The following CARMIL1 variants were observed in gnomAD, a reference collection of about 807,000 sequenced individuals.
CARMIL1 encodes F-actin-uncapping protein LRRC16A.
CARMIL1 carries 90 observed loss-of-function variants against 177.1 expected under a neutral mutation model. That is an observed-to-expected ratio of 0.51 (90% CI 0.43 to 0.61). The LOEUF is 0.61. CARMIL1 is among the 20% of genes least tolerant of loss of function. The pLI is 0.00. For synonymous variants in CARMIL1, 577 were observed against 606.2 expected (o/e 0.95, Z 0.71); for missense variants, 1,380 against 1,667.0 (o/e 0.83, Z 3.00).
intron 2 of CARMIL1, among the ~76,000 whole-genome samples, chr6:25,412,117 C>A (rs1794954402): frequency 6.6e-6 from 1 of 152,210 alleles, no homozygotes; most frequent in Non-Finnish European, 1.5e-5. Flanking sequence ...TCTTGGTTTA[C>A]TACTATTATA....
Position 25,580,908 on chromosome 6 carries a change from A to G in CARMIL1, c.2743-16A>G. The G allele has an allele frequency of 6.4e-7, 1 of 1,566,364 alleles. No homozygotes were observed. Among genetic ancestry groups the G allele is most frequent in the East Asian group, 2.3e-5 (1 of 42,828 alleles). On this transcript the variant is annotated splice_polypyrimidine_tract_variant and intron_variant, in intron 29 of 36. Transcript: ENST00000329474. ...GGCTACCTAAGTGTTTTTTTAAATTATTATTTCATTTCTAGATGACCCCTA... is the reference window on the plus strand; with the variant it reads ...GGCTACCTAAGTGTTTTTTTAAATTGTTATTTCATTTCTAGATGACCCCTA...
At chr6:25,365,856 A>G (rs1015356731) in intron 2 of CARMIL1, among the ~76,000 whole-genome samples, 8 of 152,190 alleles carry the variant, frequency 5.3e-5, no homozygotes, top group African/African-American at 1.9e-4. Flanking sequence ...ACCATGCCTG[A>G]CCATAAGCCT....
At chr6:25,340,047 G>A (rs558275376) in intron 2 of CARMIL1, among the ~76,000 whole-genome samples, 2 of 152,022 alleles carry the variant, frequency 1.3e-5, no homozygotes, top group South Asian at 2.1e-4. Context: ...TAATTTATTC[G>A]GCTCCTTATT....
intron 17 of CARMIL1, among the ~76,000 whole-genome samples, chr6:25,502,306 C>A (rs947312286): frequency 6.6e-6 from 1 of 151,426 alleles, no homozygotes; most frequent in East Asian, 1.9e-4. Context: ...TGCCTGTAAT[C>A]CCAGCACTTT....
Position 25,595,543 on chromosome 6 carries a change from C to T in CARMIL1, c.3119+1016C>T, listed in dbSNP as rs551217457. On this transcript the variant is annotated intron_variant, in intron 32 of 36. Transcript: ENST00000329474. The stretch of plus-strand genomic sequence containing the variant: ...ACTTGGCAAAATTTTGTTCTGCTGT[C>T]TTTCAAGAACCAACCTAAATGTCAT... Among the ~76,000 whole-genome samples, 7 of 152,290 alleles carry T rather than the reference C, an allele frequency of 4.6e-5. No individual in the cohort carries two copies. In the South Asian group the frequency reaches 1.5e-3, roughly 32 times the overall value.
chr6:25,502,312 A>G (rs1197818797), intron 17 of CARMIL1, among the ~76,000 whole-genome samples: 1 of 151,866 alleles, frequency 6.6e-6, no homozygotes, highest in African/African-American at 2.4e-5. Flanking sequence ...TAATCCCAGC[A>G]CTTTGGGAGG....
intron 2 of CARMIL1, among the ~76,000 whole-genome samples, chr6:25,295,163 A>G (rs1426211992): frequency 6.6e-6 from 1 of 152,158 alleles, no homozygotes; most frequent in Non-Finnish European, 1.5e-5. Context: ...ATTTAGATAT[A>G]ATCATTGGAA....
At chr6:25,593,026 G>A (rs576254448) in intron 31 of CARMIL1, among the ~76,000 whole-genome samples, 24 of 152,216 alleles carry the variant, frequency 1.6e-4, no homozygotes, top group Admixed American at 1.3e-3. Context: ...TCATAAGATC[G>A]GAGTTTTTGG....
At chr6:25,502,902 T>C (rs939688776) in intron 17 of CARMIL1, among the ~76,000 whole-genome samples, 1 of 152,222 alleles carries the variant, frequency 6.6e-6, no homozygotes, top group Non-Finnish European at 1.5e-5. Flanking sequence ...TCAAATAAAT[T>C]GATAGGGGCC....
chr6:25,479,761 T>G (rs1326109440), intron 11 of CARMIL1, among the ~76,000 whole-genome samples: 2 of 152,108 alleles, frequency 1.3e-5, no homozygotes, highest in Non-Finnish European at 2.9e-5. Context: ...TATTTTCCAG[T>G]TTTTTATCTT....
At position 25,450,618 on chromosome 6, in the gene CARMIL1, C is replaced by A; in HGVS notation, c.541-20C>A. 1 of 1,438,946 alleles carries A rather than the reference C, an allele frequency of 6.9e-7. No individual in the cohort carries two copies. The highest frequency in any genetic ancestry group is 9.7e-7 in the Non-Finnish European group (1 of 1,027,466). 89.1% of individuals were successfully genotyped at this position (1,438,946 alleles called of 1,614,324 possible). A position where few individuals can be genotyped will look rare whatever the true frequency, so the allele number is the denominator to read the frequency against. On this transcript the variant is annotated intron_variant, in intron 7 of 36. Coordinates refer to ENST00000329474, the MANE Select transcript of CARMIL1 (RefSeq NM_017640.6). ...TCATCTGCATGGACTGATGACATGA[C>A]TGAATTATATTTCAAATAGGATGTG...
At chr6:25,345,389 C>A (rs1445317133) in intron 2 of CARMIL1, among the ~76,000 whole-genome samples, 1 of 152,140 alleles carries the variant, frequency 6.6e-6, no homozygotes. Context: ...TTAAATATCA[C>A]CTGTAAGATG....
intron 29 of CARMIL1, among the ~76,000 whole-genome samples, chr6:25,559,045 A>G (rs1034660046): frequency 6.6e-6 from 1 of 152,166 alleles, no homozygotes. Flanking sequence ...ATTTTATACT[A>G]TTGATAATAA....
At chr6:25,513,561 CATA>C (rs1311236681) in intron 20 of CARMIL1, among the ~76,000 whole-genome samples, 1 of 152,210 alleles carries the variant, frequency 6.6e-6, no homozygotes, top group South Asian at 2.1e-4. Context: ...CAACCAAATG[CATA>C]ATGATGCTTT....
intron 2 of CARMIL1, among the ~76,000 whole-genome samples, chr6:25,315,849 C>T (rs1365177863): frequency 6.6e-6 from 1 of 152,164 alleles, no homozygotes; most frequent in East Asian, 1.9e-4. Context: ...TGGTCCATGA[C>T]CAGCGTCATT....
At chr6:25,290,495 T>C (rs1360178778) in intron 2 of CARMIL1, among the ~76,000 whole-genome samples, 2 of 151,420 alleles carry the variant, frequency 1.3e-5, no homozygotes, top group African/African-American at 4.9e-5. Context: ...GAGAGGAATG[T>C]GGCACTCCTC....
At chr6:25,353,286 A>G (rs1260319732) in intron 2 of CARMIL1, among the ~76,000 whole-genome samples, 6 of 152,218 alleles carry the variant, frequency 3.9e-5, no homozygotes, top group Non-Finnish European at 1.5e-5. Flanking sequence ...CAACAATCCT[A>G]GGAGAGATGT....
intron 5 of CARMIL1, among the ~76,000 whole-genome samples, chr6:25,446,037 T>C (rs1424357847): frequency 6.6e-6 from 1 of 152,142 alleles, no homozygotes; most frequent in African/African-American, 2.4e-5. Flanking sequence ...AGTAAACCAT[T>C]CTGTAAATAG....
chr6:25,578,351 C>T (rs747150137), intron 29 of CARMIL1, among the ~76,000 whole-genome samples: 1 of 151,994 alleles, frequency 6.6e-6, no homozygotes, highest in Admixed American at 6.5e-5. Context: ...TTCATCAACC[C>T]AACAGTTGGG....
Sources: gnomAD v4.1 joint callset for allele counts (sites outside exome capture counted in the v4.1 genomes callset) on GRCh38, gnomAD v4.1.1 for gene constraint, MANE v1.5 for transcripts, NCBI Gene and HGNC (gene_info 2026-07-23, HGNC 2026-07-21) for gene names.